EYS: variants seen among roughly 807,000 people sequenced by gnomAD.
EYS encodes the protein EGF-like photoreceptor maintenance factor.
A neutral mutation model predicts 282.1 loss-of-function variants in EYS; 250 were observed. The ratio of observed to expected loss-of-function variants is 0.89; its 90% CI spans 0.80 to 0.98. The LOEUF is 0.98. Among genes scored for constraint, EYS ranks in the 50% least tolerant of loss-of-function variants. The pLI, the probability that EYS is intolerant of heterozygous loss-of-function variation, is 0.00. For missense variants in EYS, 4,016 were observed against 3,709.0 expected, an observed-to-expected ratio of 1.08 and a Z score of -2.15; for synonymous variants, 1,355 against 1,282.9, an observed-to-expected ratio of 1.06 and a Z score of -1.20.
intron 29 of EYS, among the ~76,000 whole-genome samples, chr6:64,309,404 A>G (rs1021540540): frequency 1.3e-5 from 2 of 152,194 alleles, no homozygotes; most frequent in Non-Finnish European, 2.9e-5. Flanking sequence ...AAAAATGGCA[A>G]GAAAAAATTT....
chr6:64,926,744 A>G lies in EYS; in HGVS notation c.2382-14001T>C, dbSNP rs190952234. Among the ~76,000 whole-genome samples the G allele has an allele frequency of 6.6e-5, 10 of 152,290 alleles. 2 individuals carry two copies. The highest frequency in any genetic ancestry group is 2.2e-4 in the African/African-American group (9 of 41,578). On this transcript the variant is annotated intron_variant, in intron 15 of 42. Transcript: ENST00000503581. ...TTTACACACAATTTTGCTATTTCTA[A>G]GTAGGTGAGGTATACTAACAAAGCC...
chr6:64,214,990 T>C (rs1765888101), intron 31 of EYS, among the ~76,000 whole-genome samples: 1 of 152,008 alleles, frequency 6.6e-6, no homozygotes, highest in Non-Finnish European at 1.5e-5. Context: ...AGGTTTTAAA[T>C]TTCCACTCTA....
At chr6:64,278,717 ACTCTCTCTCT>A (rs113366162) in intron 30 of EYS, among the ~76,000 whole-genome samples, 1 of 142,056 alleles carries the variant, frequency 7.0e-6, no homozygotes, top group African/African-American at 2.6e-5. Flanking sequence ...TCAGCCAAAA[ACTCTCTCTCT>A]CTCTCTCTCT....
chr6:65,236,950 T>C (rs1562041857), intron 12 of EYS, among the ~76,000 whole-genome samples: 1 of 152,180 alleles, frequency 6.6e-6, no homozygotes, highest in Non-Finnish European at 1.5e-5. Flanking sequence ...TAAATTAAAA[T>C]GAATATACTG....
intron 12 of EYS, 31 bp downstream of exon 12, chr6:65,295,832 A>C: frequency 2.7e-6 from 4 of 1,474,972 alleles, no homozygotes; most frequent in Non-Finnish European, 2.7e-6. Context: ...TTTACTAGAA[A>C]ATTTAATTTA....
At chr6:64,364,997 T>C (rs896819937) in intron 29 of EYS, among the ~76,000 whole-genome samples, 1 of 151,996 alleles carries the variant, frequency 6.6e-6, no homozygotes, top group Non-Finnish European at 1.5e-5. Flanking sequence ...TCTTCGAGTA[T>C]CATTCAATTT....
At chr6:64,723,827 T>C (rs906521787) in intron 22 of EYS, among the ~76,000 whole-genome samples, 1 of 152,158 alleles carries the variant, frequency 6.6e-6, no homozygotes, top group African/African-American at 2.4e-5. Flanking sequence ...CCTCACCCTG[T>C]TAACTCTATG....
chr6:64,033,151 T>A (rs1257063890), intron 33 of EYS, among the ~76,000 whole-genome samples: 1 of 152,238 alleles, frequency 6.6e-6, no homozygotes, highest in African/African-American at 2.4e-5. Context: ...GCTGTCTATA[T>A]GTCTACTCTG....
intron 26 of EYS, among the ~76,000 whole-genome samples, chr6:64,448,606 C>A (rs1032063769): frequency 2.6e-5 from 4 of 152,344 alleles, no homozygotes; most frequent in Admixed American, 2.6e-4. Context: ...AGGCACCCCC[C>A]AGTAGGGGCG....
intron 26 of EYS, among the ~76,000 whole-genome samples, chr6:64,464,623 T>C (rs1031066858): frequency 1.3e-5 from 2 of 152,174 alleles, no homozygotes; most frequent in Middle Eastern, 3.4e-3. Flanking sequence ...CAAAAATTGG[T>C]AATGTCTCTA....
chr6:63,880,284 C>T (rs954859204), intron 35 of EYS, among the ~76,000 whole-genome samples: 11 of 152,128 alleles, frequency 7.2e-5, no homozygotes, highest in Non-Finnish European at 5.9e-5. Flanking sequence ...CCTAGTCTTC[C>T]AGCCTACATT....
chr6:65,686,123 G>T (rs938683458), intron 1 of EYS, among the ~76,000 whole-genome samples: 1 of 151,976 alleles, frequency 6.6e-6, no homozygotes, highest in Admixed American at 6.6e-5. Context: ...CCAGATGCAG[G>T]TATAAAACAA....
chr6:65,580,408 C>G (rs1009938022), intron 2 of EYS, among the ~76,000 whole-genome samples: 1 of 152,014 alleles, frequency 6.6e-6, no homozygotes. Context: ...CTAGTAACTA[C>G]TAGCCTGAAA....
chr6:64,489,551 TA>T (rs1313677052), intron 26 of EYS, among the ~76,000 whole-genome samples: 1 of 147,330 alleles, frequency 6.8e-6, no homozygotes, highest in Non-Finnish European at 1.5e-5. Context: ...TTAATTAATA[TA>T]AAAATTTTAA....
At chr6:65,446,819 C>CAT (rs150019227) in intron 5 of EYS, among the ~76,000 whole-genome samples, 28,011 of 151,264 alleles carry the variant, frequency 0.19, 3,222 homozygotes, top group Middle Eastern at 0.3. Flanking sequence ...AATTAAGAAA[C>CAT]ATAAAATATT....
chr6:64,597,522 C>T (rs1766625264), intron 24 of EYS, among the ~76,000 whole-genome samples: 2 of 152,068 alleles, frequency 1.3e-5, no homozygotes, highest in South Asian at 4.1e-4. Flanking sequence ...GAATACTAGT[C>T]AGCCATAAAA....
intron 13 of EYS, among the ~76,000 whole-genome samples, chr6:65,042,149 C>T (rs1484645945): frequency 2.0e-5 from 3 of 151,552 alleles, no homozygotes; most frequent in Non-Finnish European, 4.4e-5. Flanking sequence ...TACTTCTGGT[C>T]TGGGATCTAT....
chr6:64,495,587 A>G (rs1406240475), intron 26 of EYS, among the ~76,000 whole-genome samples: 2 of 151,910 alleles, frequency 1.3e-5, no homozygotes, highest in Non-Finnish European at 2.9e-5. Context: ...TGGCTTCAGC[A>G]TTCCTTTCTT....
At chr6:65,361,965 A>C (rs1459756651) in intron 8 of EYS, among the ~76,000 whole-genome samples, 2 of 152,156 alleles carry the variant, frequency 1.3e-5, no homozygotes, top group African/African-American at 4.8e-5. Context: ...TCTAAAACAC[A>C]TACGAGTAAC....
Sources: gnomAD v4.1 joint callset for allele counts (sites outside exome capture counted in the v4.1 genomes callset) on GRCh38, gnomAD v4.1.1 for gene constraint, MANE v1.5 for transcripts, NCBI Gene and HGNC (gene_info 2026-07-23, HGNC 2026-07-21) for gene names.